Variants in CEP128 observed in about 807,000 individuals in gnomAD.
The protein encoded by CEP128 is centrosomal protein 128.
Under a neutral mutation model 156.7 loss-of-function variants are expected in CEP128, and 132 were observed. The ratio of observed to expected loss-of-function variants is 0.84; its 90% CI spans 0.73 to 0.97. CEP128 has a LOEUF of 0.97. CEP128 is among the 50% of genes least tolerant of loss of function. CEP128 has a pLI of 0.00. For synonymous variants in CEP128, 469 were observed against 448.9 expected, an observed-to-expected ratio of 1.04 and a Z score of -0.57; for missense variants, 1,252 against 1,281.9, an observed-to-expected ratio of 0.98 and a Z score of 0.36.
chr14:80,809,026 G>A lies in CEP128; in HGVS notation c.1210-15916C>T, dbSNP rs541374779. Reference sequence around the variant, plus strand: ...CCTAGCAAACTATCTCAATCAAAAGGAAATTCACAAAATTCTGAAAACACA... The same window carrying A: ...CCTAGCAAACTATCTCAATCAAAAGAAAATTCACAAAATTCTGAAAACACA... On this transcript the variant is annotated intron_variant, in intron 13 of 24. Transcript: ENST00000555265. Among the ~76,000 whole-genome samples the A allele has an allele frequency of 2.9e-4, 43 of 149,198 alleles. 1 individual carries two copies. The highest frequency in any genetic ancestry group is 1.0e-3 in the African/African-American group (42 of 41,454).
At chr14:80,805,523 T>A (rs1884126635) in intron 13 of CEP128, among the ~76,000 whole-genome samples, 1 of 152,180 alleles carries the variant, frequency 6.6e-6, no homozygotes. Context: ...ACTGATATTA[T>A]AAAGTTTTGC....
chr14:80,818,894 A>AT (rs1488086033), intron 13 of CEP128, among the ~76,000 whole-genome samples: 1 of 152,194 alleles, frequency 6.6e-6, no homozygotes, highest in African/African-American at 2.4e-5. Flanking sequence ...GCTTTTAAAT[A>AT]TATTATTCTG....
At chr14:80,940,816 T>G (rs1886109456) in intron 1 of CEP128, among the ~76,000 whole-genome samples, 1 of 152,230 alleles carries the variant, frequency 6.6e-6, no homozygotes, top group Non-Finnish European at 1.5e-5. Context: ...AAATTTAAAT[T>G]CACCTGAGTG....
chr14:80,486,755 T>C (rs530743172), downstream of CEP128, among the ~76,000 whole-genome samples: 11 of 152,282 alleles, frequency 7.2e-5, no homozygotes, highest in African/African-American at 2.6e-4. Context: ...CAGAATTTCA[T>C]ATCCAGCCAA....
At chr14:80,625,746 C>A (rs2140687486) in intron 19 of CEP128, among the ~76,000 whole-genome samples, 1 of 150,960 alleles carries the variant, frequency 6.6e-6, no homozygotes, top group South Asian at 2.1e-4. Flanking sequence ...TCCTTCCTTC[C>A]TTCATTTCTC....
chr14:80,658,716 G>A (rs1225355530), intron 19 of CEP128, among the ~76,000 whole-genome samples: 2 of 152,166 alleles, frequency 1.3e-5, no homozygotes, highest in African/African-American at 2.4e-5. Flanking sequence ...GTACCTTTAT[G>A]AGAAGAAGTC....
chr14:80,681,746 G>A (rs188343512), intron 19 of CEP128, among the ~76,000 whole-genome samples: 2 of 152,318 alleles, frequency 1.3e-5, no homozygotes, highest in African/African-American at 4.8e-5. Flanking sequence ...CAGCCATGCT[G>A]AACTGTGAGT....
rs74064262 is a variant in CEP128 at position 80,566,818 on chromosome 14, C to T, written c.2857-7516G>A. On this transcript the variant is annotated intron_variant, in intron 20 of 24. Transcript: ENST00000555265. ...CTTATGTGCCTTTTCAAACAACCTA[C>T]TTCAGCGTCTAAAATAACACAACAC... Among the ~76,000 whole-genome samples, 730 of 150,154 alleles carry T rather than the reference C, an allele frequency of 4.9e-3. 13 individuals are homozygous for T. Among genetic ancestry groups the T allele is most frequent in the African/African-American group, 0.017 (688 of 40,766 alleles).
chr14:80,533,076 A>C (rs1889304159), intron 21 of CEP128, among the ~76,000 whole-genome samples: 1 of 152,172 alleles, frequency 6.6e-6, no homozygotes, highest in Non-Finnish European at 1.5e-5. Context: ...CATGTGTAGG[A>C]AAGATTCATC....
upstream of CEP128, among the ~76,000 whole-genome samples, chr14:80,942,003 T>A (rs180682045): frequency 6.6e-6 from 1 of 151,972 alleles, no homozygotes; most frequent in African/African-American, 2.4e-5. Flanking sequence ...AAACTCCAGT[T>A]AGAAAGTGAA....
At chr14:80,931,480 C>T (rs1410406915) in intron 2 of CEP128, among the ~76,000 whole-genome samples, 1 of 152,228 alleles carries the variant, frequency 6.6e-6, no homozygotes. Context: ...ATGCAGAGCA[C>T]ACACATCATC....
intron 13 of CEP128, among the ~76,000 whole-genome samples, chr14:80,819,582 C>T (rs980412280): frequency 3.9e-5 from 6 of 152,108 alleles, no homozygotes; most frequent in African/African-American, 1.4e-4. Flanking sequence ...TAATCTCATT[C>T]ATGAAGACAG....
At chr14:80,617,323 C>T (rs905099949) in intron 19 of CEP128, among the ~76,000 whole-genome samples, 2 of 149,126 alleles carry the variant, frequency 1.3e-5, no homozygotes, top group South Asian at 4.3e-4. Context: ...CTCCACCTCC[C>T]GGGTTCACGC....
In CEP128 at chr14:80,530,882, G is replaced by T; in HGVS notation, c.2885C>A (p.Thr962Asn). ...CTCCAGATGGTCCAAGGCCACTTGG[G>T]TACTCTGAAATAGAAAACATAAGGA... ...QDRVIALETS[T>N]QVALDHLESV... Residue 962 changes from threonine to asparagine, a missense_variant, in exon 22 of 25, where the codon ACC becomes AAC. Physicochemically the swap from Thr to Asn is moderately conservative, Grantham distance 65. Transcript: ENST00000555265. 1 of 1,596,366 alleles carries T rather than the reference G, an allele frequency of 6.3e-7. No homozygotes were observed.
intron 24 of CEP128, among the ~76,000 whole-genome samples, chr14:80,499,003 T>C (rs1887618808): frequency 6.6e-6 from 1 of 152,168 alleles, no homozygotes; most frequent in Admixed American, 6.5e-5. Flanking sequence ...AACCGATCAG[T>C]AAAAAATACC....
In CEP128 at chr14:80,528,369, A is replaced by G. The variant is rs971098816; in HGVS notation, c.2959-1387T>C. On this transcript the variant is annotated intron_variant, in intron 22 of 24. Transcript: ENST00000555265. The stretch of plus-strand genomic sequence containing the variant: ...AATGGCACGATCTCAGTGCACTGCA[A>G]CCTCCGCCGCCCTGGTTCAAGCAAT... 5.3e-5 allele frequency among the ~76,000 whole-genome samples: 8 copies of G among 152,312 alleles called. No individual in the cohort carries two copies. The East Asian group carries it at 1.5e-3, about 29-fold the overall frequency.
chr14:80,490,209 G>GA (rs544416498), downstream of CEP128, among the ~76,000 whole-genome samples: 263 of 152,114 alleles, frequency 1.7e-3, 2 homozygotes, highest in South Asian at 7.1e-3. Context: ...TGGAAAGGTA[G>GA]AAAAAATCCC....
At chr14:80,876,403 C>G (rs1888284651) in intron 8 of CEP128, among the ~76,000 whole-genome samples, 2 of 152,046 alleles carry the variant, frequency 1.3e-5, no homozygotes. Flanking sequence ...CGAGACCATC[C>G]TGGCTAACAT....
chr14:80,673,663 AAAAAAAAAT>A (rs1375001690), intron 19 of CEP128, among the ~76,000 whole-genome samples: 145 of 149,286 alleles, frequency 9.7e-4, no homozygotes, highest in African/African-American at 2.4e-3. Context: ...AAAAAAAAAA[AAAAAAAAAT>A]GTACTAAAGC....
Sources: gnomAD v4.1 joint callset for allele counts (sites outside exome capture counted in the v4.1 genomes callset) on GRCh38, gnomAD v4.1.1 for gene constraint, MANE v1.5 for transcripts, NCBI Gene and HGNC (gene_info 2026-07-23, HGNC 2026-07-21) for gene names.